CALCOCO1: variants seen among roughly 807,000 people sequenced by gnomAD.
CALCOCO1 encodes the protein calcium-binding and coiled-coil domain-containing protein 1.
In CALCOCO1, 44 loss-of-function variants were observed where a neutral mutation model predicts 86.3. The ratio of observed to expected loss-of-function variants is 0.51; its 90% CI spans 0.40 to 0.66. The LOEUF (loss-of-function observed/expected upper bound fraction) is 0.66, where lower values mean the gene tolerates loss of function less well. CALCOCO1 is among the 30% of genes least tolerant of loss of function. The pLI is 0.00. For missense variants in CALCOCO1, 708 were observed against 851.1 expected (o/e 0.83, Z 2.09); for synonymous variants, 297 against 327.6 (o/e 0.91, Z 1.01).
rs375347212 is a variant in CALCOCO1, at chr12:53,711,949, C to G, written c.2071G>C (p.Glu691Gln). Residue 691 changes from glutamate to glutamine, a missense_variant, in exon 15 of 15, where the codon GAG becomes CAG. Coordinates refer to ENST00000550804, the MANE Select transcript of CALCOCO1 (RefSeq NM_020898.3). ...FFSTQDPFTF[E>Q] is the part of the protein sequence containing the mutation. ...GCATGTACGAGGGAGTAAGATCACT[C>G]AAAGGTGAAGGGGTCCTGGGTGCTG... The G allele has an allele frequency of 4.5e-5, 70 of 1,564,578 alleles. No individual in the cohort carries two copies. The highest frequency in any genetic ancestry group is 5.4e-5 in the Non-Finnish European group (63 of 1,156,680).
Position 53,709,078 on chromosome 12 carries a change from A to C in CALCOCO1, c.*2866T>G, listed in dbSNP as rs1039287807. The C allele has an allele frequency of 6.6e-6, 1 of 152,212 alleles. No homozygotes were observed. Among genetic ancestry groups the C allele is most frequent in the African/African-American group, 2.4e-5 (1 of 41,438 alleles). 9.4% of individuals were successfully genotyped at this position (152,212 alleles called of 1,614,324 possible). A position where few individuals can be genotyped will look rare whatever the true frequency, so the allele number is the denominator to read the frequency against. ...GTTTGGATTCGTTCTTTCACCACCA[A>C]ATACTGACGCGAGTTCCTATTTGCT... On this transcript the variant is annotated 3_prime_UTR_variant, in exon 15 of 15. Coordinates refer to ENST00000550804, the MANE Select transcript of CALCOCO1 (RefSeq NM_020898.3).
Position 53,711,243 on chromosome 12 carries a change from G to T in CALCOCO1, c.*701C>A, listed in dbSNP as rs1945542245. ...GAAATGGGGATACCTGGGACCACTT[G>T]TTCCCCCCATTCCTCACAGAAGGCA... On this transcript the variant is annotated 3_prime_UTR_variant, in exon 15 of 15. Transcript: ENST00000550804. 7.5e-6 allele frequency: 3 copies of T among 398,862 alleles called. No individual in the cohort carries two copies. The highest frequency in any genetic ancestry group is 2.1e-5 in the African/African-American group (1 of 48,586). The allele number at this position is 398,862 out of a possible 1,614,324, so 24.7% of individuals were successfully genotyped here. A position where few individuals can be genotyped will look rare whatever the true frequency, so the allele number is the denominator to read the frequency against.
At chr12:53,717,851 C>T (rs1482890613) in intron 7 of CALCOCO1, among the ~76,000 whole-genome samples, 3 of 152,112 alleles carry the variant, frequency 2.0e-5, no homozygotes, top group Non-Finnish European at 4.4e-5. Context: ...TGGTGAAACC[C>T]CATCTCTACT....
intron 7 of CALCOCO1, among the ~76,000 whole-genome samples, chr12:53,718,840 C>CTTTTTTTTTT (rs35114054): frequency 1.3e-5 from 1 of 75,636 alleles, no homozygotes; most frequent in East Asian, 4.5e-4. Flanking sequence ...ATGGCCCTCC[C>CTTTTTTTTTT]TTTTTTTTTT....
chr12:53,715,747 T>G, intron 9 of CALCOCO1, 46 bp downstream of exon 9: 2 of 1,599,396 alleles, frequency 1.3e-6, no homozygotes, highest in Non-Finnish European at 1.7e-6. Context: ...CCCACAGAGG[T>G]GGGGGCAGTG....
chr12:53,711,503 A>C lies in CALCOCO1; in HGVS notation c.*441T>G, dbSNP rs747909207. On this transcript the variant is annotated 3_prime_UTR_variant, in exon 15 of 15. Transcript: ENST00000550804. ...CTGCCTCTGTGCAGACCCCAGAGAAAACTCAGGTAAACCAACGGAAACTCC... is the reference window on the plus strand; with the variant it reads ...CTGCCTCTGTGCAGACCCCAGAGAACACTCAGGTAAACCAACGGAAACTCC... 5.9e-5 allele frequency: 20 copies of C among 338,562 alleles called. No homozygotes were observed. Among genetic ancestry groups the C allele is most frequent in the Non-Finnish European group, 9.5e-5 (18 of 189,126 alleles). The allele number at this position is 338,562 out of a possible 1,614,324, so 21.0% of individuals were successfully genotyped here. A position where few individuals can be genotyped will look rare whatever the true frequency, so the allele number is the denominator to read the frequency against.
At chr12:53,722,872 A>G (rs769889215) in intron 4 of CALCOCO1, 22 of 432,502 alleles carry the variant, frequency 5.1e-5, no homozygotes, top group South Asian at 3.3e-4. Flanking sequence ...CGCAACAGAG[A>G]GTAGGAGCTC....
In CALCOCO1 at chr12:53,721,513, G is replaced by T. The variant is rs1176043636; in HGVS notation, c.712C>A (p.Gln238Lys). Residue 238 changes from glutamine (Q) to lysine (K), a missense_variant, in exon 6 of 15, where the codon CAG (glutamine) becomes AAG (lysine). Transcript: ENST00000550804. ...ARILELEDDI[Q>K]TISEKVLTKE... The stretch of plus-strand genomic sequence containing the variant: ...GTCAGCACTTTCTCACTGATGGTCT[G>T]GATGTCATCCTCTAGCTCCAGGATG... 6.2e-7 allele frequency: 1 copy of T among 1,613,706 alleles called. No homozygotes were observed. Among genetic ancestry groups the T allele is most frequent in the Non-Finnish European group, 8.5e-7 (1 of 1,179,850 alleles).
At chr12:53,726,030 C>T (rs531604443) in intron 1 of CALCOCO1, among the ~76,000 whole-genome samples, 1 of 151,770 alleles carries the variant, frequency 6.6e-6, no homozygotes, top group African/African-American at 2.4e-5. Flanking sequence ...GAGTGAGGCG[C>T]TTAGCAGGAA....
rs35114054 is a variant in CALCOCO1, at chr12:53,718,840, CTT to C, written c.849+897_849+898del. The stretch of plus-strand genomic sequence containing the variant: ...CTACCACGCCCAGCCATGGCCCTCC[CTT>C]TTTTTTTTTTTTTTTTTTTTTTTGG... On this transcript the variant is annotated intron_variant, in intron 7 of 14. Coordinates refer to ENST00000550804, the MANE Select transcript of CALCOCO1 (RefSeq NM_020898.3). Among the ~76,000 whole-genome samples, 575 of 75,618 alleles carry C rather than the reference CTT, an allele frequency of 7.6e-3. 1 individual carries two copies. The highest frequency in any genetic ancestry group is 0.028 in the African/African-American group (495 of 17,902). The allele number at this position is 75,618 out of a possible 152,430, so 49.6% of individuals were successfully genotyped here.
At chr12:53,724,314 G>T (rs191870671) in intron 3 of CALCOCO1, 4 of 384,728 alleles carry the variant, frequency 1.0e-5, no homozygotes, top group African/African-American at 8.3e-5. Context: ...GCTTGTAAGT[G>T]TTAGAGGTGA....
rs78731604 is a variant in CALCOCO1, at chr12:53,725,208, C to A, written c.35G>T (p.Arg12Leu). ...EESPLSRAPS[R>L]GGVNFLNVAR... ...TACATTGAGAAAGTTGACTCCACCACGGGATGGTGCCCGGCTTAGTGGTGA... is the reference window on the plus strand; with the variant it reads ...TACATTGAGAAAGTTGACTCCACCAAGGGATGGTGCCCGGCTTAGTGGTGA... The change falls in exon 2 of 15, where the codon CGT becomes CTT. Residue 12 changes from arginine (R) to leucine (L), a missense_variant. Arg to Leu is a moderately radical substitution (Grantham distance 102, BLOSUM62 -2). Coordinates refer to ENST00000550804, the MANE Select transcript of CALCOCO1 (RefSeq NM_020898.3). 1 of 1,610,248 alleles carries A rather than the reference C, an allele frequency of 6.2e-7. No homozygotes were observed. The highest frequency in any genetic ancestry group is 8.5e-7 in the Non-Finnish European group (1 of 1,178,258).
chr12:53,715,277 C>T lies in CALCOCO1; in HGVS notation c.1309G>A (p.Glu437Lys), dbSNP rs747752715. ...GTCCTCTCCTCCTGAACTGCCTTCT[C>T]CAATCGAAGTATCTCTGCACTCAGC... ...LKLSAEILRLEKAVQEERTQN... is the reference protein window; with the variant it reads ...LKLSAEILRLKKAVQEERTQN... The change falls in exon 10 of 15, where the codon GAG becomes AAG. Residue 437 changes from glutamate (E) to lysine (K), a missense_variant. By Grantham distance (56) the Glu-to-Lys change is moderately conservative. Transcript: ENST00000550804. 3.1e-6 allele frequency: 5 copies of T among 1,614,070 alleles called. No individual in the cohort carries two copies. The highest frequency in any genetic ancestry group is 4.2e-6 in the Non-Finnish European group (5 of 1,180,044).
chr12:53,715,093 T>C (rs1471916531), intron 10 of CALCOCO1, 107 bp downstream of exon 10: 2 of 1,348,796 alleles, frequency 1.5e-6, no homozygotes, highest in Admixed American at 2.4e-5. Context: ...CCACCCAACA[T>C]GGTAGTGGAC....
intron 5 of CALCOCO1, 97 bp downstream of exon 5, chr12:53,721,928 G>T: frequency 7.2e-7 from 1 of 1,382,660 alleles, no homozygotes. Flanking sequence ...CATTGTAAAA[G>T]CCCACTAACA....
rs1945539452 is a variant in CALCOCO1, at chr12:53,711,136, ATTTG to A, written c.*804_*807del. The A allele has an allele frequency of 1.3e-5, 5 of 397,402 alleles. No homozygotes were observed. In the Admixed American group the frequency reaches 1.8e-4, roughly 14 times the overall value. 24.6% of individuals were successfully genotyped at this position (397,402 alleles called of 1,614,324 possible). The stretch of plus-strand genomic sequence containing the variant: ...ACAGTCATACATATCATATAAATAT[ATTTG>A]TTCAAACTACAAAGGGATGGATATC... On this transcript the variant is annotated 3_prime_UTR_variant, in exon 15 of 15. Coordinates refer to ENST00000550804, the MANE Select transcript of CALCOCO1 (RefSeq NM_020898.3).
At chr12:53,723,942 C>G in intron 3 of CALCOCO1, 159 bp from the exon 4 acceptor site, 1 of 630,698 alleles carries the variant, frequency 1.6e-6, no homozygotes, top group Non-Finnish European at 2.8e-6. Context: ...CTTTCTTTCC[C>G]AAACCCACTG....
rs569807291 is a variant in CALCOCO1, at chr12:53,721,539, C to T, written c.686G>A (p.Arg229His). Residue 229 changes from arginine (R) to histidine (H), a missense_variant, in exon 6 of 15, where the codon CGC becomes CAC. Coordinates refer to ENST00000550804, the MANE Select transcript of CALCOCO1 (RefSeq NM_020898.3). ...GATGTCATCCTCTAGCTCCAGGATG[C>T]GTGCCACATGGTCTCCCTGTTGCCG... ...LSRQQGDHVARILELEDDIQT... is the reference protein window; with the variant it reads ...LSRQQGDHVAHILELEDDIQT... 3.3e-5 allele frequency: 53 copies of T among 1,613,720 alleles called. 1 individual carries two copies. The highest frequency in any genetic ancestry group is 2.4e-4 in the South Asian group (22 of 91,042).
At position 53,724,373 on chromosome 12, in the gene CALCOCO1, C is replaced by T. The variant is rs138578835; in HGVS notation, c.259+272G>A. On this transcript the variant is annotated intron_variant, in intron 3 of 14. Coordinates refer to ENST00000550804, the MANE Select transcript of CALCOCO1 (RefSeq NM_020898.3). ...CTTCTCACCACATAATTCTACCTTT[C>T]CCTCTTCCTTACTCCCCCATTTTTC... 9.5e-3 allele frequency: 4,275 copies of T among 447,776 alleles called. 32 individuals carry two copies. Among genetic ancestry groups the T allele is most frequent in the Non-Finnish European group, 0.014 (3,427 of 242,112 alleles). The allele number at this position is 447,776 out of a possible 1,614,324, so 27.7% of individuals were successfully genotyped here. A position where few individuals can be genotyped will look rare whatever the true frequency, so the allele number is the denominator to read the frequency against.
Sources: allele counts gnomAD v4.1 joint callset (sites outside exome capture counted in the v4.1 genomes callset), GRCh38; gene constraint gnomAD v4.1.1; transcripts MANE v1.5; gene names NCBI Gene and HGNC (gene_info 2026-07-23, HGNC 2026-07-21).